The following BICD2 variants were observed in gnomAD, a reference collection of about 807,000 sequenced individuals.
BICD2 encodes protein bicaudal D homolog 2.
Under a neutral mutation model 72.9 loss-of-function variants are expected in BICD2, and 25 were observed. The observed-to-expected ratio is 0.34, with a 90% CI of 0.25 to 0.48. BICD2 has a LOEUF of 0.48. Ranked by LOEUF, BICD2 falls within the 20% of genes least tolerant of loss-of-function variation. BICD2 has a pLI of 0.99. For synonymous variants in BICD2, 501 were observed against 516.1 expected (o/e 0.97, Z 0.40); for missense variants, 894 against 1,175.2 (o/e 0.76, Z 3.50).
chr9:92,744,607 C>T (rs1853969395), intron 1 of BICD2, among the ~76,000 whole-genome samples: 1 of 151,968 alleles, frequency 6.6e-6, no homozygotes, highest in African/African-American at 2.4e-5. Flanking sequence ...TTTGGGAGGC[C>T]GAGGCGGGCG....
chr9:92,754,648 A>T (rs1854219517), intron 1 of BICD2, among the ~76,000 whole-genome samples: 1 of 152,230 alleles, frequency 6.6e-6, no homozygotes, highest in Non-Finnish European at 1.5e-5. Flanking sequence ...GTGGATTGTG[A>T]AGATTTCATG....
At chr9:92,735,446 G>T (rs1853764011) in intron 1 of BICD2, among the ~76,000 whole-genome samples, 3 of 151,982 alleles carry the variant, frequency 2.0e-5, no homozygotes. Context: ...GGGTGGGAAG[G>T]CCAGCCTCAT....
intron 1 of BICD2, among the ~76,000 whole-genome samples, chr9:92,747,748 G>A (rs576549679): frequency 6.6e-6 from 1 of 152,296 alleles, no homozygotes; most frequent in African/African-American, 2.4e-5. Flanking sequence ...GTCCTTGTGG[G>A]CAGATGGACG....
rs999913572 is a variant in BICD2 at position 92,713,755 on chromosome 9, A to T, written c.*1399T>A. 1 of 1,322,700 alleles carries T rather than the reference A, an allele frequency of 7.6e-7. No homozygotes were observed. The highest frequency in any genetic ancestry group is 1.5e-5 in the African/African-American group (1 of 67,142). 81.9% of individuals were successfully genotyped at this position (1,322,700 alleles called of 1,614,324 possible). On this transcript the variant is annotated 3_prime_UTR_variant, in exon 7 of 7. Transcript: ENST00000356884. ...TGGGGCAGGGGGATCTGGGCCCAGG[A>T]TGAACACGCAGGGGACATACATGGG...
chr9:92,722,483 G>A (rs1011193563), intron 3 of BICD2, among the ~76,000 whole-genome samples, 173 bp downstream of exon 3: 1 of 152,168 alleles, frequency 6.6e-6, no homozygotes, highest in Non-Finnish European at 1.5e-5. Context: ...CTTTTGGAGA[G>A]TCTGGGTCCC....
intron 1 of BICD2, among the ~76,000 whole-genome samples, chr9:92,742,531 C>T (rs965785193): frequency 6.6e-6 from 1 of 151,996 alleles, no homozygotes; most frequent in Non-Finnish European, 1.5e-5. Context: ...ACTACAGGCA[C>T]CTGCCACCAT....
chr9:92,763,926 C>T (rs981716698), intron 1 of BICD2, among the ~76,000 whole-genome samples: 1 of 152,246 alleles, frequency 6.6e-6, no homozygotes, highest in South Asian at 2.1e-4. Context: ...CCACGTGCAA[C>T]CCCGAGCCCC....
Position 92,713,111 on chromosome 9 carries a change from T to A in BICD2, c.*2043A>T, listed in dbSNP as rs753001823. Reference sequence around the variant, plus strand: ...AAATATAATATCAAAATATCAAAAGTGCACAGGTTGATCGGATAAAAAAAG... The same window carrying A: ...AAATATAATATCAAAATATCAAAAGAGCACAGGTTGATCGGATAAAAAAAG... On this transcript the variant is annotated 3_prime_UTR_variant, in exon 7 of 7. Transcript: ENST00000356884. The A allele has an allele frequency of 2.3e-5, 7 of 306,368 alleles. No homozygotes were observed. Among genetic ancestry groups the A allele is most frequent in the African/African-American group, 2.1e-5 (1 of 46,604 alleles). 19.0% of individuals were successfully genotyped at this position (306,368 alleles called of 1,614,324 possible).
chr9:92,735,102 C>T (rs1853755841), intron 1 of BICD2, among the ~76,000 whole-genome samples: 1 of 152,220 alleles, frequency 6.6e-6, no homozygotes, highest in African/African-American at 2.4e-5. Context: ...GCTGCCTAGG[C>T]CCAGCAGGAT....
intron 2 of BICD2, among the ~76,000 whole-genome samples, chr9:92,724,666 G>A (rs1405740564): frequency 6.6e-6 from 1 of 152,150 alleles, no homozygotes; most frequent in Non-Finnish European, 1.5e-5. Flanking sequence ...CCATCACCAG[G>A]GCCGGGCCCC....
chr9:92,744,827 C>T (rs570585428), intron 1 of BICD2, among the ~76,000 whole-genome samples: 4 of 150,746 alleles, frequency 2.7e-5, no homozygotes, highest in African/African-American at 7.3e-5. Flanking sequence ...GATGACAGAG[C>T]GAGACTCCGT....
rs1853220368 is a variant in BICD2 at position 92,712,910 on chromosome 9, C to T, written c.*2244G>A. 6.5e-6 allele frequency: 1 copy of T among 153,410 alleles called. No individual in the cohort carries two copies. The highest frequency in any genetic ancestry group is 2.4e-5 in the African/African-American group (1 of 41,458). The allele number at this position is 153,410 out of a possible 1,614,324, so 9.5% of individuals were successfully genotyped here. On this transcript the variant is annotated 3_prime_UTR_variant, in exon 7 of 7. Coordinates refer to ENST00000356884, the MANE Select transcript of BICD2 (RefSeq NM_001003800.2). ...CACAGCGTGGATACACTTAGCTGAG[C>T]TCCTCGCTGGGTCAAAGCACTCATC...
At chr9:92,747,937 T>C (rs527610905) in intron 1 of BICD2, among the ~76,000 whole-genome samples, 3 of 152,328 alleles carry the variant, frequency 2.0e-5, no homozygotes, top group South Asian at 4.1e-4. Context: ...GCTGACAGCA[T>C]GGCAGGTCAA....
chr9:92,749,987 G>A (rs1418297409), intron 1 of BICD2, among the ~76,000 whole-genome samples: 1 of 152,264 alleles, frequency 6.6e-6, no homozygotes, highest in African/African-American at 2.4e-5. Context: ...GGAGAGCATG[G>A]CTGCAGCCCG....
intron 1 of BICD2, among the ~76,000 whole-genome samples, chr9:92,736,820 A>G (rs1853797680): frequency 6.6e-6 from 1 of 151,936 alleles, no homozygotes; most frequent in African/African-American, 2.4e-5. Flanking sequence ...CCCCCTTTAC[A>G]CACACACACA....
intron 1 of BICD2, among the ~76,000 whole-genome samples, chr9:92,732,938 T>C (rs1853705217): frequency 2.0e-5 from 3 of 152,352 alleles, no homozygotes; most frequent in South Asian, 4.1e-4. Context: ...GATAATTAAC[T>C]TGAAATTCAA....
At position 92,714,242 on chromosome 9, in the gene BICD2, C is replaced by A. The variant is rs2131494915; in HGVS notation, c.*912G>T. The A allele has an allele frequency of 2.0e-6, 2 of 985,528 alleles. No homozygotes were observed. The highest frequency in any genetic ancestry group is 2.4e-6 in the Non-Finnish European group (2 of 829,980). The allele number at this position is 985,528 out of a possible 1,614,324, so 61.0% of individuals were successfully genotyped here. The stretch of plus-strand genomic sequence containing the variant: ...CCAGCCAAGCCCTTGGTGGCTCAGA[C>A]TTCAGGCTAGGGTTTTCAAAGCCCC... On this transcript the variant is annotated 3_prime_UTR_variant, in exon 7 of 7. Coordinates refer to ENST00000356884, the MANE Select transcript of BICD2 (RefSeq NM_001003800.2).
Position 92,713,601 on chromosome 9 carries a change from G to T in BICD2, c.*1553C>A. On this transcript the variant is annotated 3_prime_UTR_variant, in exon 7 of 7. Coordinates refer to ENST00000356884, the MANE Select transcript of BICD2 (RefSeq NM_001003800.2). ...AGAAGACCTGCATGTGTTAGCAGGGGTCCCAGTGGCTTGGGTGTCTGCAAA... is the reference window on the plus strand; with the variant it reads ...AGAAGACCTGCATGTGTTAGCAGGGTTCCCAGTGGCTTGGGTGTCTGCAAA... The T allele has an allele frequency of 6.5e-7, 1 of 1,528,190 alleles. No homozygotes were observed. Among genetic ancestry groups the T allele is most frequent in the Non-Finnish European group, 8.8e-7 (1 of 1,132,348 alleles). 94.7% of individuals were successfully genotyped at this position (1,528,190 alleles called of 1,614,324 possible). A position where few individuals can be genotyped will look rare whatever the true frequency, so the allele number is the denominator to read the frequency against.
intron 1 of BICD2, among the ~76,000 whole-genome samples, chr9:92,743,553 T>G (rs772565727): frequency 1.3e-5 from 2 of 152,124 alleles, no homozygotes; most frequent in African/African-American, 2.4e-5. Flanking sequence ...TCTATAAGTC[T>G]CCTTAAGTAT....
Sources: gnomAD v4.1 joint callset for allele counts (sites outside exome capture counted in the v4.1 genomes callset) on GRCh38, gnomAD v4.1.1 for gene constraint, MANE v1.5 for transcripts, NCBI Gene and HGNC (gene_info 2026-07-23, HGNC 2026-07-21) for gene names.